The following PCSK6 variants were observed in gnomAD, a reference collection of about 807,000 sequenced individuals.
PCSK6 encodes the protein proprotein convertase subtilisin/kexin type 6, also known as paired basic amino acid cleaving enzyme 4.
A neutral mutation model predicts 123.3 loss-of-function variants in PCSK6; 85 were observed. The observed-to-expected ratio is 0.69, with a 90% CI of 0.58 to 0.83. PCSK6 has a LOEUF of 0.83. PCSK6 is among the 40% of genes least tolerant of loss of function. The pLI is 0.00. For missense variants in PCSK6, 1,191 were observed against 1,282.3 expected (o/e 0.93, Z 1.09); for synonymous variants, 508 against 516.0 (o/e 0.98, Z 0.21).
chr15:101,362,834 C>T (rs2041273393), intron 13 of PCSK6, among the ~76,000 whole-genome samples: 1 of 152,244 alleles, frequency 6.6e-6, no homozygotes, highest in African/African-American at 2.4e-5. Context: ...CCTGAGCCCC[C>T]AGTCTTAACC....
intron 8 of PCSK6, among the ~76,000 whole-genome samples, chr15:101,391,588 A>C: frequency 1.3e-5 from 2 of 152,358 alleles, no homozygotes; most frequent in South Asian, 2.1e-4. Flanking sequence ...GTGTCACCAC[A>C]GGACATCCCT....
chr15:101,333,677 C>A (rs1320868074), intron 13 of PCSK6, among the ~76,000 whole-genome samples: 4 of 152,058 alleles, frequency 2.6e-5, no homozygotes, highest in Non-Finnish European at 5.9e-5. Flanking sequence ...TCTGCCAGTA[C>A]AACTTTACTT....
chr15:101,393,378 C>T lies in PCSK6; in HGVS notation c.1043G>A (p.Gly348Asp). The stretch of plus-strand genomic sequence containing the variant: ...CGAGCAGTAGTCCCCCTCTCTCCCG[C>T]CATTCCCAGATGCCCAGACGAAAAT... ...GSIFVWASGN[G>D]GREGDYCSCD... is the part of the protein sequence containing the mutation. The change falls in exon 8 of 22, where the codon GGC becomes GAC. Residue 348 changes from glycine to aspartate, a missense_variant. Physicochemically the swap from Gly to Asp is moderately conservative, Grantham distance 94 (BLOSUM62 -1). Coordinates refer to ENST00000611716, the MANE Select transcript of PCSK6 (RefSeq NM_002570.5). The T allele has an allele frequency of 6.2e-7, 1 of 1,604,900 alleles. No individual in the cohort carries two copies. Among genetic ancestry groups the T allele is most frequent in the Non-Finnish European group, 8.5e-7 (1 of 1,175,846 alleles).
intron 3 of PCSK6, among the ~76,000 whole-genome samples, chr15:101,431,673 A>C (rs920326963): frequency 6.6e-6 from 1 of 152,156 alleles, no homozygotes; most frequent in African/African-American, 2.4e-5. Context: ...CCTGCAATCT[A>C]TATTTTCCCA....
At chr15:101,370,661 C>T (rs2141468105) in intron 11 of PCSK6, 138 bp from the exon 12 acceptor site, 1 of 636,228 alleles carries the variant, frequency 1.6e-6, no homozygotes, top group Non-Finnish European at 2.4e-6. Flanking sequence ...CCGCAGCAGC[C>T]TCTGACTGCC....
Position 101,396,804 on chromosome 15 carries a change from C to T in PCSK6, c.996+1600G>A, listed in dbSNP as rs189328925. On this transcript the variant is annotated intron_variant, in intron 7 of 21. Coordinates refer to ENST00000611716, the MANE Select transcript of PCSK6 (RefSeq NM_002570.5). Reference sequence around the variant, plus strand: ...AGCTGTCCAGTGTCCCAAGGATGCCCGCAAGACCCCATGCTGTGTGCGTGC... The same window carrying T: ...AGCTGTCCAGTGTCCCAAGGATGCCTGCAAGACCCCATGCTGTGTGCGTGC... Among the ~76,000 whole-genome samples the T allele has an allele frequency of 1.6e-4, 24 of 152,192 alleles. 1 individual carries two copies. Among genetic ancestry groups the T allele is most frequent in the Admixed American group, 1.3e-3 (20 of 15,280 alleles).
chr15:101,324,767 G>A, intron 17 of PCSK6, 83 bp downstream of exon 17: 2 of 1,169,242 alleles, frequency 1.7e-6, no homozygotes, highest in South Asian at 1.4e-5. Flanking sequence ...AGAAGGCTGG[G>A]AAATTCTCCC....
At chr15:101,376,505 C>A (rs540289715) in intron 11 of PCSK6, among the ~76,000 whole-genome samples, 3 of 152,320 alleles carry the variant, frequency 2.0e-5, no homozygotes, top group East Asian at 3.9e-4. Flanking sequence ...TCTATATGGA[C>A]AGGCTGGCAA....
At chr15:101,346,832 A>T in intron 13 of PCSK6, 3 of 1,231,654 alleles carry the variant, frequency 2.4e-6, no homozygotes, top group Non-Finnish European at 3.0e-6. Context: ...TACAGAACCG[A>T]CTAAACAATA....
At chr15:101,400,232 T>A (rs2042547907) in intron 6 of PCSK6, among the ~76,000 whole-genome samples, 1 of 152,170 alleles carries the variant, frequency 6.6e-6, no homozygotes, top group African/African-American at 2.4e-5. Flanking sequence ...TGGCATATAC[T>A]TTCTTTCTAA....
At chr15:101,388,835 AC>A (rs2042145773) in intron 9 of PCSK6, among the ~76,000 whole-genome samples, 1 of 152,212 alleles carries the variant, frequency 6.6e-6, no homozygotes, top group African/African-American at 2.4e-5. Context: ...TACATGAGGC[AC>A]CTAAAGCAAT....
chr15:101,326,515 A>G (rs2040257061), intron 15 of PCSK6, 36 bp from the exon 16 acceptor site: 1 of 1,531,188 alleles, frequency 6.5e-7, no homozygotes, highest in Admixed American at 2.0e-5. Context: ...ATCCAGAGAG[A>G]CGCCTTCTCC....
At chr15:101,430,093 G>A (rs768979730) in intron 4 of PCSK6, 30 bp from the exon 5 acceptor site, 12 of 1,582,872 alleles carry the variant, frequency 7.6e-6, no homozygotes, top group African/African-American at 2.7e-5. Context: ...TGAGTGAGGA[G>A]AAATGGCATG....
intron 6 of PCSK6, among the ~76,000 whole-genome samples, chr15:101,406,511 GT>G (rs563430466): frequency 2.6e-5 from 4 of 152,128 alleles, no homozygotes; most frequent in Admixed American, 6.5e-5. Context: ...TTTTTGTTTT[GT>G]TTTTTTCAGT....
chr15:101,412,370 A>C (rs2055718659), intron 6 of PCSK6, among the ~76,000 whole-genome samples: 1 of 152,224 alleles, frequency 6.6e-6, no homozygotes, highest in Non-Finnish European at 1.5e-5. Context: ...ACCATCTGAC[A>C]GACATTTTAT....
chr15:101,333,633 C>T (rs1277083234), intron 13 of PCSK6, among the ~76,000 whole-genome samples: 1 of 152,258 alleles, frequency 6.6e-6, no homozygotes, highest in Non-Finnish European at 1.5e-5. Context: ...TCTTTACATA[C>T]CTGCCTATGC....
At chr15:101,455,269 C>T (rs2057149781) in intron 1 of PCSK6, among the ~76,000 whole-genome samples, 1 of 152,226 alleles carries the variant, frequency 6.6e-6, no homozygotes, top group Non-Finnish European at 1.5e-5. Flanking sequence ...CATCTGGAGG[C>T]CTGAGAGGGA....
chr15:101,419,712 T>C (rs2056015740), intron 6 of PCSK6, among the ~76,000 whole-genome samples: 1 of 150,894 alleles, frequency 6.6e-6, no homozygotes, highest in Non-Finnish European at 1.5e-5. Context: ...CTGTAATAAT[T>C]CAAAGCGTGG....
intron 20 of PCSK6, 76 bp from the exon 21 acceptor site, chr15:101,307,401 A>G (rs1374895909): frequency 1.1e-5 from 10 of 936,462 alleles, no homozygotes; most frequent in Middle Eastern, 2.1e-4. Context: ...CAGAACCCTC[A>G]CCTCCCTGCA....
Sources: allele counts gnomAD v4.1 joint callset (sites outside exome capture counted in the v4.1 genomes callset), GRCh38; gene constraint gnomAD v4.1.1; transcripts MANE v1.5; gene names NCBI Gene and HGNC (gene_info 2026-07-23, HGNC 2026-07-21).